Variants in LAMB4 observed in about 807,000 individuals in gnomAD.
The protein encoded by LAMB4 is laminin subunit beta-4.
Under a neutral mutation model 199.2 loss-of-function variants are expected in LAMB4, and 196 were observed. The ratio of observed to expected loss-of-function variants is 0.98; its 90% CI spans 0.88 to 1.11. The LOEUF (loss-of-function observed/expected upper bound fraction) is 1.11, where lower values mean the gene tolerates loss of function less well. LAMB4 is among the 50% of genes least tolerant of loss of function. LAMB4 has a pLI of 0.00. For synonymous variants in LAMB4, 744 were observed against 770.6 expected (o/e 0.97, Z 0.57); for missense variants, 2,080 against 2,171.2 (o/e 0.96, Z 0.83).
At chr7:108,019,258 C>T (rs1003544725), downstream of LAMB4, among the ~76,000 whole-genome samples, 42 of 152,058 alleles carry the variant, frequency 2.8e-4, no homozygotes, top group African/African-American at 1.0e-3. Context: ...GGACAACTTA[C>T]CTTCCTCAGC....
chr7:108,065,838 ATTGC>A lies in LAMB4; in HGVS notation c.2756_2759del (p.Ser919IlefsTer17), dbSNP rs762042201. The A allele has an allele frequency of 6.2e-7, 1 of 1,614,112 alleles. No homozygotes were observed. The highest frequency in any genetic ancestry group is 8.5e-7 in the Non-Finnish European group (1 of 1,179,950). On this transcript the variant is annotated frameshift_variant, in exon 21 of 34. Transcript: ENST00000388781. LOFTEE classifies it high-confidence loss of function. ...GATAACAGGAATGGGCAAAATACTG[ATTGC>A]TTGAGGGATCATCTGGACACAGGCA...
intron 23 of LAMB4, among the ~76,000 whole-genome samples, chr7:108,061,989 T>C (rs1300063591): frequency 2.0e-5 from 3 of 152,200 alleles, no homozygotes; most frequent in Non-Finnish European, 4.4e-5. Flanking sequence ...ATATTGTGAA[T>C]TTGGCTTTTT....
In LAMB4 at chr7:108,030,806, C is replaced by G; in HGVS notation, c.4992G>C (p.Lys1664Asn). ...SAQHQAGSLE[K>N]EFVELKKQYA... ...TGGTGGCAGTGGTAGAACTAATGACCTTCTCAAGACTCCCAGCCTGGTGTT... is the reference window on the plus strand; with the variant it reads ...TGGTGGCAGTGGTAGAACTAATGACGTTCTCAAGACTCCCAGCCTGGTGTT... Residue 1664 changes from lysine to asparagine, a missense_variant and splice_region_variant, in exon 32 of 34, where the codon AAG becomes AAC. Physicochemically the swap from Lys to Asn is moderately conservative, Grantham distance 94 (BLOSUM62 0). Transcript: ENST00000388781. The G allele has an allele frequency of 6.2e-7, 1 of 1,613,614 alleles. No individual in the cohort carries two copies. Among genetic ancestry groups the G allele is most frequent in the South Asian group, 1.1e-5 (1 of 90,966 alleles).
intron 33 of LAMB4, chr7:108,026,890 C>A (rs562878723): frequency 1.9e-6 from 1 of 517,556 alleles, no homozygotes; most frequent in Admixed American, 2.0e-5. Flanking sequence ...TCTCATTTTT[C>A]TATCTTGCTG....
At chr7:108,111,229 T>C (rs975166591) in intron 4 of LAMB4, among the ~76,000 whole-genome samples, 2 of 152,178 alleles carry the variant, frequency 1.3e-5, no homozygotes, top group African/African-American at 4.8e-5. Flanking sequence ...TCCACATTTA[T>C]AGCGAGCATC....
intron 23 of LAMB4, chr7:108,062,279 A>T (rs1322435366): frequency 6.6e-6 from 1 of 152,248 alleles, no homozygotes; most frequent in African/African-American, 2.4e-5. Flanking sequence ...ACATGCCTAC[A>T]TTCTTAAGAT....
intron 4 of LAMB4, among the ~76,000 whole-genome samples, chr7:108,109,846 G>T (rs1295253924): frequency 2.0e-5 from 3 of 152,014 alleles, no homozygotes; most frequent in Non-Finnish European, 2.9e-5. Flanking sequence ...CCCTAACCTG[G>T]ACACAAAAGA....
chr7:108,129,947 T>A (rs2038922115), intron 1 of LAMB4, among the ~76,000 whole-genome samples: 1 of 152,256 alleles, frequency 6.6e-6, no homozygotes, highest in Non-Finnish European at 1.5e-5. Context: ...TTTAAACTTT[T>A]ATAAGTTGTC....
At chr7:108,055,050 A>G (rs1480608115) in intron 25 of LAMB4, among the ~76,000 whole-genome samples, 1 of 152,152 alleles carries the variant, frequency 6.6e-6, no homozygotes, top group Non-Finnish European at 1.5e-5. Flanking sequence ...CATACTTCCA[A>G]TTTTATATCT....
In LAMB4 at chr7:108,062,939, T is replaced by C; in HGVS notation, c.3117A>G (p.Gly1039=). The change falls in exon 23 of 34, where the codon GGA becomes GGG. Residue 1039 remains glycine, a synonymous_variant. Coordinates refer to ENST00000388781, the MANE Select transcript of LAMB4 (RefSeq NM_007356.3). ...CAGTGACAGGGTCACAGAGGCAAGC[T>C]CCCCCACCAGGGGGACACTCCATGG... is the stretch of plus-strand genomic sequence containing the variant. ...VSPMECPPGG[G]ACLCDPVTGA... 6.2e-7 allele frequency: 1 copy of C among 1,607,568 alleles called. No individual in the cohort carries two copies. Among genetic ancestry groups the C allele is most frequent in the Admixed American group, 1.7e-5 (1 of 59,038 alleles).
chr7:108,053,899 A>G (rs534120189), intron 25 of LAMB4, among the ~76,000 whole-genome samples: 12 of 152,314 alleles, frequency 7.9e-5, no homozygotes, highest in African/African-American at 2.9e-4. Context: ...TACAAGTGCT[A>G]TTGGATTAGC....
chr7:108,096,927 C>T (rs2037623075), intron 11 of LAMB4, among the ~76,000 whole-genome samples: 1 of 45,706 alleles, frequency 2.2e-5, no homozygotes, highest in Non-Finnish European at 4.8e-5. Context: ...CAAAACAAGA[C>T]TCTGTCTCTC....
intron 1 of LAMB4, among the ~76,000 whole-genome samples, chr7:108,126,992 A>C (rs959600073): frequency 6.6e-6 from 1 of 152,094 alleles, no homozygotes; most frequent in Non-Finnish European, 1.5e-5. Context: ...CCAGGTGTCA[A>C]TGTGTATAAA....
At chr7:108,068,285 T>C (rs2036414099) in intron 18 of LAMB4, 126 bp from the exon 19 acceptor site, 1 of 897,408 alleles carries the variant, frequency 1.1e-6, no homozygotes. Flanking sequence ...CCCTCATCTG[T>C]TAAATAGGAA....
At chr7:108,104,128 T>C (rs747694825) in intron 9 of LAMB4, among the ~76,000 whole-genome samples, 6 of 152,166 alleles carry the variant, frequency 3.9e-5, no homozygotes, top group Non-Finnish European at 8.8e-5. Flanking sequence ...GTCACGTTCA[T>C]GGAATGTATG....
chr7:108,066,449 AT>A lies in LAMB4; in HGVS notation c.2597del (p.Asn866IlefsTer71). 1.9e-6 allele frequency: 3 copies of A among 1,614,212 alleles called. No homozygotes were observed. The highest frequency in any genetic ancestry group is 2.5e-6 in the Non-Finnish European group (3 of 1,180,032). On this transcript the variant is annotated frameshift_variant, in exon 20 of 34. Transcript: ENST00000388781. LOFTEE classifies it high-confidence loss of function. Reference protein sequence around the residue: ...GFPSCHPCPCNRFAELCDPET... With the variant: ...GFPSCHPCPCXRFAELCDPET... ...CAGGATCACAAAGTTCAGCAAACCTATTACAAGGGCAAGGGTGGCAGCTGGG... is the reference window on the plus strand; with the variant it reads ...CAGGATCACAAAGTTCAGCAAACCTATACAAGGGCAAGGGTGGCAGCTGGG...
chr7:108,030,988 G>T lies in LAMB4; in HGVS notation c.4819-9C>A. ...CTGGTTTGATTTTCAGCCTGTTGTTGATTTAAAGACCAAAAAGGGAAAATC... is the reference window on the plus strand; with the variant it reads ...CTGGTTTGATTTTCAGCCTGTTGTTTATTTAAAGACCAAAAAGGGAAAATC... On this transcript the variant is annotated splice_polypyrimidine_tract_variant and intron_variant, in intron 31 of 33. Transcript: ENST00000388781. 6.2e-7 allele frequency: 1 copy of T among 1,607,196 alleles called. No homozygotes were observed. Among genetic ancestry groups the T allele is most frequent in the Non-Finnish European group, 8.5e-7 (1 of 1,176,250 alleles).
intron 16 of LAMB4, 74 bp from the exon 17 acceptor site, chr7:108,077,138 T>C: frequency 3.4e-6 from 5 of 1,481,116 alleles, no homozygotes; most frequent in Non-Finnish European, 4.6e-6. Flanking sequence ...CCATAGTATT[T>C]GGTAGCATTG....
rs1351299581 is a variant in LAMB4 at position 108,109,315 on chromosome 7, T to C, written c.329-71A>G. On this transcript the variant is annotated intron_variant, in intron 4 of 33. Coordinates refer to ENST00000388781, the MANE Select transcript of LAMB4 (RefSeq NM_007356.3). ...TTCTGCTTATCATGTTAATTCCCCA[T>C]TGTGGCTTATCTGTAATAAAATCTC... 19 of 1,097,718 alleles carry C rather than the reference T, an allele frequency of 1.7e-5. No individual in the cohort carries two copies. The South Asian group carries it at 1.8e-4, about 10-fold the overall frequency. The allele number at this position is 1,097,718 out of a possible 1,614,324, so 68.0% of individuals were successfully genotyped here.
Sources: gnomAD v4.1 joint callset for allele counts (sites outside exome capture counted in the v4.1 genomes callset) on GRCh38, gnomAD v4.1.1 for gene constraint, MANE v1.5 for transcripts, NCBI Gene and HGNC (gene_info 2026-07-23, HGNC 2026-07-21) for gene names.